The following NRXN3 variants were observed in gnomAD, a reference collection of about 807,000 sequenced individuals.
NRXN3 encodes the protein neurexin III.
NRXN3 carries 32 observed loss-of-function variants against 137.6 expected under a neutral mutation model. The ratio of observed to expected loss-of-function variants is 0.23; its 90% CI spans 0.18 to 0.31. The LOEUF is 0.31. Among genes scored for constraint, NRXN3 ranks in the 10% least tolerant of loss-of-function variants. NRXN3 has a pLI of 1.00. For synonymous variants in NRXN3, 798 were observed against 784.5 expected (o/e 1.02, Z -0.29); for missense variants, 1,574 against 2,062.5 (o/e 0.76, Z 4.59).
chr14:79,831,959 G>A (rs1483739429), intron 20 of NRXN3, among the ~76,000 whole-genome samples: 1 of 152,028 alleles, frequency 6.6e-6, no homozygotes, highest in Admixed American at 6.6e-5. Context: ...TAATACTTTA[G>A]TATTTAACAG....
intron 15 of NRXN3, among the ~76,000 whole-genome samples, chr14:79,004,008 T>C (rs904006236): frequency 6.6e-6 from 1 of 152,134 alleles, no homozygotes; most frequent in Non-Finnish European, 1.5e-5. Context: ...AATTTAGCTA[T>C]CTTAAAAACT....
At chr14:79,266,124 G>A (rs2078432007) in intron 15 of NRXN3, among the ~76,000 whole-genome samples, 1 of 152,160 alleles carries the variant, frequency 6.6e-6, no homozygotes, top group African/African-American at 2.4e-5. Flanking sequence ...CAGTGGTTAA[G>A]TGAGTTGCCT....
At chr14:78,867,600 A>G (rs761987431) in intron 10 of NRXN3, among the ~76,000 whole-genome samples, 7 of 152,108 alleles carry the variant, frequency 4.6e-5, no homozygotes, top group Non-Finnish European at 7.4e-5. Flanking sequence ...AGCTAACTGA[A>G]TTTTCCCAGA....
intron 1 of NRXN3, among the ~76,000 whole-genome samples, chr14:78,237,546 T>C (rs539949577): frequency 2.2e-4 from 33 of 152,318 alleles, no homozygotes; most frequent in African/African-American, 7.7e-4. Context: ...AATTTGTTGA[T>C]GTGGTAAGAA....
chr14:79,031,370 G>T (rs771264960), intron 15 of NRXN3, among the ~76,000 whole-genome samples: 1 of 152,042 alleles, frequency 6.6e-6, no homozygotes, highest in Non-Finnish European at 1.5e-5. Context: ...CACATTATTA[G>T]AATCAATTTG....
chr14:78,832,270 A>G (rs2098984652), intron 10 of NRXN3, among the ~76,000 whole-genome samples: 1 of 152,212 alleles, frequency 6.6e-6, no homozygotes, highest in African/African-American at 2.4e-5. Context: ...AGATGTTGAT[A>G]CAATCAACGA....
intron 16 of NRXN3, among the ~76,000 whole-genome samples, chr14:79,512,478 A>AG: frequency 6.6e-6 from 1 of 152,368 alleles, no homozygotes; most frequent in South Asian, 2.1e-4. Flanking sequence ...CACTTTTATG[A>AG]TAAAAATATA....
intron 16 of NRXN3, among the ~76,000 whole-genome samples, chr14:79,470,997 T>TGTGTG (rs2096499356): frequency 1.1e-5 from 1 of 89,990 alleles, no homozygotes; most frequent in Admixed American, 1.1e-4. Context: ...TGTGTGTGTG[T>TGTGTG]TGGGGAGAAG....
At chr14:78,998,411 C>T (rs534540023) in intron 15 of NRXN3, among the ~76,000 whole-genome samples, 50 of 152,286 alleles carry the variant, frequency 3.3e-4, no homozygotes, top group African/African-American at 1.2e-3. Flanking sequence ...TATTCTACAA[C>T]TGTTTTATTT....
chr14:79,815,939 T>TTA (rs984876076), intron 20 of NRXN3, among the ~76,000 whole-genome samples: 2 of 152,126 alleles, frequency 1.3e-5, no homozygotes, highest in African/African-American at 4.8e-5. Context: ...ACTTGTAACT[T>TTA]TATATATATA....
At chr14:78,992,849 C>T (rs1346135170) in intron 15 of NRXN3, among the ~76,000 whole-genome samples, 1 of 152,156 alleles carries the variant, frequency 6.6e-6, no homozygotes, top group African/African-American at 2.4e-5. Context: ...GTCTTTGGCA[C>T]ATGAGTCCTT....
chr14:78,467,726 A>G (rs943609143), intron 4 of NRXN3, among the ~76,000 whole-genome samples: 4 of 152,232 alleles, frequency 2.6e-5, no homozygotes, highest in Admixed American at 1.3e-4. Context: ...GCAAGCATTG[A>G]AACTGCATAG....
intron 4 of NRXN3, among the ~76,000 whole-genome samples, chr14:78,313,113 A>G (rs1188709896): frequency 1.3e-5 from 2 of 152,150 alleles, no homozygotes; most frequent in East Asian, 3.9e-4. Flanking sequence ...GAGAGTAATG[A>G]CTTTTGTCAA....
At chr14:78,813,541 T>C (rs1355593048) in intron 10 of NRXN3, among the ~76,000 whole-genome samples, 1 of 152,092 alleles carries the variant, frequency 6.6e-6, no homozygotes, top group East Asian at 1.9e-4. Flanking sequence ...TGAAGGGAAA[T>C]ACTGAATTAA....
intron 10 of NRXN3, among the ~76,000 whole-genome samples, chr14:78,945,060 TC>T (rs1344121673): frequency 6.6e-6 from 1 of 152,088 alleles, no homozygotes; most frequent in Non-Finnish European, 1.5e-5. Flanking sequence ...AGACGACATC[TC>T]CCCCGGTGAA....
intron 15 of NRXN3, among the ~76,000 whole-genome samples, chr14:79,350,451 A>G (rs1022420398): frequency 6.6e-6 from 1 of 152,128 alleles, no homozygotes; most frequent in Non-Finnish European, 1.5e-5. Flanking sequence ...CATCATAGAG[A>G]TTTATCCTGG....
intron 16 of NRXN3, among the ~76,000 whole-genome samples, chr14:79,616,118 A>T (rs2098152513): frequency 6.6e-6 from 1 of 152,144 alleles, no homozygotes; most frequent in Admixed American, 6.5e-5. Flanking sequence ...TCTTGAAAAG[A>T]ACTGACAAGG....
intron 15 of NRXN3, among the ~76,000 whole-genome samples, chr14:79,376,247 TATATATATATATATATATAC>T (rs71131699): frequency 0.1 from 9,616 of 92,474 alleles, 566 homozygotes; most frequent in Admixed American, 0.15. Context: ...TATATATATA[TATATATATATATATATATAC>T]ACATACATAT....
At chr14:78,515,857 G>A (rs540324811) in intron 4 of NRXN3, among the ~76,000 whole-genome samples, 9 of 152,242 alleles carry the variant, frequency 5.9e-5, no homozygotes, top group East Asian at 3.9e-4. Context: ...TTTCTTTGAC[G>A]TCCTTAACAA....
Sources: allele counts gnomAD v4.1 joint callset (sites outside exome capture counted in the v4.1 genomes callset), GRCh38; gene constraint gnomAD v4.1.1; transcripts MANE v1.5; gene names NCBI Gene and HGNC (gene_info 2026-07-23, HGNC 2026-07-21).